VBP1: variants seen among roughly 807,000 people sequenced by gnomAD.
The protein encoded by VBP1 is prefoldin subunit 3.
A neutral mutation model predicts 15.5 loss-of-function variants in VBP1; 4 were observed. The ratio of observed to expected loss-of-function variants is 0.26; its 90% CI spans 0.13 to 0.59. The LOEUF (loss-of-function observed/expected upper bound fraction) is 0.59. Among genes scored for constraint, VBP1 ranks in the 20% least tolerant of loss-of-function variants. The pLI, the probability that VBP1 is intolerant of heterozygous loss-of-function variation, is 0.90. For synonymous variants in VBP1, 61 were observed against 52.1 expected (o/e 1.17, Z -0.74); for missense variants, 108 against 139.6 (o/e 0.77, Z 1.14).
chrX:155,239,416 A>G lies in VBP1; in HGVS notation c.*574A>G, dbSNP rs1431531055. On this transcript the variant is annotated 3_prime_UTR_variant, in exon 6 of 6. Coordinates refer to ENST00000286428, the MANE Select transcript of VBP1 (RefSeq NM_003372.7). ...CTTGCTACACATTAAGAGGGCTATTAAGACTACATTTTTTCTAACCTCAGA... is the reference window on the plus strand; with the variant it reads ...CTTGCTACACATTAAGAGGGCTATTGAGACTACATTTTTTCTAACCTCAGA... 1 of 112,082 alleles carries G rather than the reference A, an allele frequency of 8.9e-6. No homozygotes were observed. The highest frequency in any genetic ancestry group is 1.9e-5 in the Non-Finnish European group (1 of 53,292). The allele number at this position is 112,082 out of a possible 1,213,427, so 9.2% of individuals were successfully genotyped here. A position where few individuals can be genotyped will look rare whatever the true frequency, so the allele number is the denominator to read the frequency against.
chrX:155,198,811 G>A (rs1398064764), intron 1 of VBP1, among the ~76,000 whole-genome samples: 2 of 111,691 alleles, frequency 1.8e-5, no homozygotes, highest in African/African-American at 3.2e-5. Flanking sequence ...AAACTACTCC[G>A]AGCTACAGGA....
chrX:155,218,601 A>G (rs2074675388), intron 1 of VBP1, among the ~76,000 whole-genome samples: 1 of 110,971 alleles, frequency 9.0e-6, no homozygotes, highest in South Asian at 3.8e-4. Flanking sequence ...TGACCTCTTC[A>G]TCTTTCCACA....
rs782490574 is a variant in VBP1, at chrX:155,236,303, G to T, written c.459G>T (p.Lys153Asn). Reference protein sequence around the residue: ...LLEKNLSTATKNLDSLEEDLD... With the variant: ...LLEKNLSTATNNLDSLEEDLD... ...AAAAGAATTTATCGACTGCCACAAA[G>T]AATCTTGATTCCCTGGAGGAAGACC... is the stretch of plus-strand genomic sequence containing the variant. Residue 153 changes from lysine to asparagine, a missense_variant, in exon 5 of 6, where the codon AAG becomes AAT. Transcript: ENST00000286428. The T allele has an allele frequency of 2.1e-5, 25 of 1,211,153 alleles. No homozygotes were observed. The South Asian group carries it at 4.4e-4, about 21-fold the overall frequency.
chrX:155,227,432 CTAA>C, intron 3 of VBP1, 131 bp downstream of exon 3: 1 of 403,297 alleles, frequency 2.5e-6, no homozygotes, highest in Non-Finnish European at 4.1e-6. Flanking sequence ...AGCACATACA[CTAA>C]TGTTATGATG....
At chrX:155,206,080 A>G (rs1280143763) in intron 1 of VBP1, among the ~76,000 whole-genome samples, 2 of 112,123 alleles carry the variant, frequency 1.8e-5, no homozygotes, top group African/African-American at 3.2e-5. Context: ...TCCCTGTGGG[A>G]TGTACATTCT....
At chrX:155,219,707 C>A (rs2074679864) in intron 1 of VBP1, among the ~76,000 whole-genome samples, 1 of 111,496 alleles carries the variant, frequency 9.0e-6, no homozygotes, top group South Asian at 3.7e-4. Flanking sequence ...GGTCATTCTT[C>A]TTTTCCTATT....
intron 1 of VBP1, among the ~76,000 whole-genome samples, chrX:155,205,534 T>C (rs1557307969): frequency 9.0e-6 from 1 of 111,682 alleles, no homozygotes. Context: ...ATCCTAACTT[T>C]TTCCTAATCC....
At chrX:155,222,730 T>C (rs2074695419) in intron 2 of VBP1, among the ~76,000 whole-genome samples, 1 of 112,026 alleles carries the variant, frequency 8.9e-6, no homozygotes, top group African/African-American at 3.2e-5. Context: ...GAAACATCAG[T>C]GAACGTTGGT....
At chrX:155,233,507 A>G (rs1261864744) in intron 4 of VBP1, among the ~76,000 whole-genome samples, 1 of 112,496 alleles carries the variant, frequency 8.9e-6, no homozygotes, top group African/African-American at 3.2e-5. Context: ...CTACCTAGGC[A>G]GTCTGTATAT....
chrX:155,238,306 C>T (rs2074783526), intron 5 of VBP1, among the ~76,000 whole-genome samples: 1 of 111,850 alleles, frequency 8.9e-6, no homozygotes, highest in African/African-American at 3.2e-5. Flanking sequence ...GGGCTTTGTA[C>T]AGTGCCTAGT....
chrX:155,226,076 A>C (rs781800613), intron 2 of VBP1, among the ~76,000 whole-genome samples: 2 of 111,856 alleles, frequency 1.8e-5, no homozygotes, highest in East Asian at 5.6e-4. Context: ...GTCTCTAATA[A>C]TATTTAGTAA....
chrX:155,227,304 A>T lies in VBP1; in HGVS notation c.285+3A>T. On this transcript the variant is annotated splice_donor_region_variant and intron_variant, in intron 3 of 5. Coordinates refer to ENST00000286428, the MANE Select transcript of VBP1 (RefSeq NM_003372.7). ...TAAAATACATGCAGAAGAAAAAAGT[A>T]AGTGCATTTTTGTTTGTAAATATGA... 1 of 1,161,171 alleles carries T rather than the reference A, an allele frequency of 8.6e-7. No individual in the cohort carries two copies. The highest frequency in any genetic ancestry group is 1.2e-6 in the Non-Finnish European group (1 of 869,323).
At chrX:155,220,059 TTAAAAACAAACCTTTGGA>T in intron 1 of VBP1, 106 bp from the exon 2 acceptor site, 1 of 672,457 alleles carries the variant, frequency 1.5e-6, no homozygotes, top group Non-Finnish European at 2.1e-6. Context: ...GTACTTTTAG[TTAAAAACAAACCTTTGGA>T]GAAAAACAAA....
chrX:155,206,238 ATT>A (rs11354249), intron 1 of VBP1, among the ~76,000 whole-genome samples: 1 of 101,278 alleles, frequency 9.9e-6, no homozygotes, highest in Admixed American at 1.1e-4. Context: ...CTTGAGTAGA[ATT>A]TTTTTTTTTT....
At chrX:155,217,412 G>T (rs1438275762) in intron 1 of VBP1, among the ~76,000 whole-genome samples, 1 of 112,585 alleles carries the variant, frequency 8.9e-6, no homozygotes, top group African/African-American at 3.2e-5. Context: ...GAAAACATCT[G>T]ACTGGCCCTC....
Position 155,233,367 on chromosome X carries a change from A to C in VBP1, c.385-2862A>C, listed in dbSNP as rs1331099132. The stretch of plus-strand genomic sequence containing the variant: ...AGAGGCCACCTGCAATCCTTGGCTC[A>C]TGGTCCTTTCTGTTTTCAAAGCAGT... On this transcript the variant is annotated intron_variant, in intron 4 of 5. Coordinates refer to ENST00000286428, the MANE Select transcript of VBP1 (RefSeq NM_003372.7). 4.5e-5 allele frequency among the ~76,000 whole-genome samples: 5 copies of C among 111,677 alleles called. No individual in the cohort carries two copies. In the East Asian group the frequency reaches 1.4e-3, roughly 31 times the overall value.
intron 2 of VBP1, among the ~76,000 whole-genome samples, chrX:155,224,433 C>T (rs2074709654): frequency 8.9e-6 from 1 of 112,796 alleles, no homozygotes; most frequent in African/African-American, 3.2e-5. Context: ...AACCCTGTCT[C>T]CACCAAAAAA....
upstream of VBP1, chrX:155,216,451 C>G (rs1364503198): frequency 2.6e-6 from 3 of 1,161,352 alleles, no homozygotes; most frequent in African/African-American, 5.4e-5. Context: ...GGCCGGCGGC[C>G]CGGGAGGCAG....
intron 1 of VBP1, among the ~76,000 whole-genome samples, chrX:155,218,640 T>C (rs1557309298): frequency 9.0e-6 from 1 of 111,345 alleles, no homozygotes; most frequent in African/African-American, 3.3e-5. Flanking sequence ...TCCCTGTAGT[T>C]TTCTCTGACC....
Sources: allele counts gnomAD v4.1 joint callset (sites outside exome capture counted in the v4.1 genomes callset), GRCh38; gene constraint gnomAD v4.1.1; transcripts MANE v1.5; gene names NCBI Gene and HGNC (gene_info 2026-07-23, HGNC 2026-07-21).